The following GPR161 variants were observed in gnomAD, a reference collection of about 807,000 sequenced individuals.
The protein encoded by GPR161 is G protein-coupled receptor 161, also known as G-protein coupled receptor RE2.
GPR161 carries 25 observed loss-of-function variants against 39.2 expected under a neutral mutation model. The ratio of observed to expected loss-of-function variants is 0.64; its 90% CI spans 0.47 to 0.89. The LOEUF (loss-of-function observed/expected upper bound fraction) is 0.89, where lower values mean the gene tolerates loss of function less well. Ranked by LOEUF, GPR161 falls within the 40% of genes least tolerant of loss-of-function variation. The probability of loss-of-function intolerance (pLI) is 0.00; values close to 1 mark genes in which losing one functional copy is unlikely to be tolerated. For missense variants in GPR161, 547 were observed against 677.8 expected (o/e 0.81, Z 2.14); for synonymous variants, 286 against 276.6 (o/e 1.03, Z -0.34).
intron 1 of GPR161, among the ~76,000 whole-genome samples, chr1:168,129,640 C>T (rs61809581): frequency 0.13 from 19,064 of 152,242 alleles, 1,437 homozygotes; most frequent in South Asian, 0.24. Context: ...TCCTTAAAGA[C>T]GCCAACATTT....
chr1:168,087,446 C>T (rs1694633731), intron 5 of GPR161, 139 bp downstream of exon 5: 1 of 995,042 alleles, frequency 1.0e-6, no homozygotes, highest in African/African-American at 1.6e-5. Context: ...ACCAACAGGG[C>T]TGGGAGTAAC....
chr1:168,111,466 C>T (rs1176148213), intron 1 of GPR161, among the ~76,000 whole-genome samples: 1 of 152,134 alleles, frequency 6.6e-6, no homozygotes, highest in Non-Finnish European at 1.5e-5. Context: ...GCTTTGATCA[C>T]ACAAAGACAC....
At chr1:168,123,423 AC>A (rs915513735) in intron 1 of GPR161, among the ~76,000 whole-genome samples, 3 of 151,964 alleles carry the variant, frequency 2.0e-5, no homozygotes, top group African/African-American at 7.3e-5. Flanking sequence ...GTACCACTAC[AC>A]CCCAGCCTGG....
In GPR161 at chr1:168,081,847, GCCT is replaced by G. The variant is rs1694095837; in HGVS notation, c.*3681_*3683del. ...GAAGGCAGTCACATGCCAGCTCACTGCCTCCTCTTTATAGCCACATCATCCTCA... is the reference window on the plus strand; with the variant it reads ...GAAGGCAGTCACATGCCAGCTCACTGCCTCTTTATAGCCACATCATCCTCA... On this transcript the variant is annotated 3_prime_UTR_variant, in exon 6 of 6. Coordinates refer to ENST00000682931, the MANE Select transcript of GPR161 (RefSeq NM_001375883.1). 6.6e-6 allele frequency: 1 copy of G among 152,508 alleles called. No homozygotes were observed. The highest frequency in any genetic ancestry group is 1.5e-5 in the Non-Finnish European group (1 of 68,190). The allele number at this position is 152,508 out of a possible 1,614,324, so 9.4% of individuals were successfully genotyped here.
At chr1:168,126,608 C>T (rs1241235261) in intron 1 of GPR161, among the ~76,000 whole-genome samples, 1 of 152,138 alleles carries the variant, frequency 6.6e-6, no homozygotes, top group Non-Finnish European at 1.5e-5. Flanking sequence ...TGTGCCACCA[C>T]ACCTAGCTAA....
chr1:168,113,523 G>C (rs1009062632), intron 1 of GPR161, among the ~76,000 whole-genome samples: 8 of 152,144 alleles, frequency 5.3e-5, no homozygotes, highest in African/African-American at 1.9e-4. Flanking sequence ...ACGGCTTCAG[G>C]TCATTCAAAG....
intron 3 of GPR161, among the ~76,000 whole-genome samples, chr1:168,095,844 T>C (rs541866010): frequency 1.3e-3 from 200 of 152,202 alleles, no homozygotes; most frequent in Admixed American, 4.2e-3. Context: ...TAGTAAAGAA[T>C]ATACTCCAGG....
intron 1 of GPR161, among the ~76,000 whole-genome samples, chr1:168,123,537 T>TACAC (rs10534836): frequency 0.039 from 5,388 of 138,128 alleles, 135 homozygotes; most frequent in Non-Finnish European, 0.056. Flanking sequence ...TGCACATACA[T>TACAC]ACACACACAC....
rs1694686330 is a variant in GPR161 at position 168,087,785 on chromosome 1, C to T, written c.1205-81G>A. ...TCTTCTCCCCTCTCAACACCCCTTCCACCCCTCTTCTCCCGTTCATCCAAA... is the reference window on the plus strand; with the variant it reads ...TCTTCTCCCCTCTCAACACCCCTTCTACCCCTCTTCTCCCGTTCATCCAAA... On this transcript the variant is annotated intron_variant, in intron 4 of 5. Coordinates refer to ENST00000682931, the MANE Select transcript of GPR161 (RefSeq NM_001375883.1). 3 of 1,389,528 alleles carry T rather than the reference C, an allele frequency of 2.2e-6. No homozygotes were observed. The East Asian group carries it at 7.1e-5, about 33-fold the overall frequency. The allele number at this position is 1,389,528 out of a possible 1,614,324, so 86.1% of individuals were successfully genotyped here.
In GPR161 at chr1:168,122,661, C is replaced by T. The variant is rs561754561; in HGVS notation, c.-45+14078G>A. Among the ~76,000 whole-genome samples the T allele has an allele frequency of 3.3e-5, 5 of 152,294 alleles. No individual in the cohort carries two copies. In the South Asian group the frequency reaches 1.0e-3, roughly 32 times the overall value. ...CTAGCCTCCTCACTATTTCTGAAAC[C>T]CATCAAGCATGCTTCCAGCTCAGGG... On this transcript the variant is annotated intron_variant, in intron 1 of 5. Coordinates refer to ENST00000682931, the MANE Select transcript of GPR161 (RefSeq NM_001375883.1).
chr1:168,093,442 A>C (rs1468977015), intron 3 of GPR161, among the ~76,000 whole-genome samples: 1 of 152,234 alleles, frequency 6.6e-6, no homozygotes, highest in Non-Finnish European at 1.5e-5. Context: ...GAGACTCCTG[A>C]CATCCAAGTC....
chr1:168,119,277 T>TAC (rs1558130296), intron 1 of GPR161, among the ~76,000 whole-genome samples: 7 of 130,750 alleles, frequency 5.4e-5, no homozygotes, highest in African/African-American at 2.1e-4. Context: ...TGTGTATATA[T>TAC]ATATATATAT....
intron 2 of GPR161, among the ~76,000 whole-genome samples, chr1:168,102,859 AAAC>A (rs1696235940): frequency 6.6e-6 from 1 of 152,092 alleles, no homozygotes; most frequent in Non-Finnish European, 1.5e-5. Context: ...AAAAAAGTTA[AAAC>A]AACAAGATCC....
At chr1:168,133,024 C>T (rs181841289) in intron 1 of GPR161, among the ~76,000 whole-genome samples, 2 of 152,280 alleles carry the variant, frequency 1.3e-5, no homozygotes, top group Admixed American at 1.3e-4. Context: ...GGATTACAGG[C>T]GTGAGCCACT....
Position 168,084,585 on chromosome 1 carries a change from GC to G in GPR161, c.*945del, listed in dbSNP as rs1572225040. ...TAGTAACTGTTGCTCTTGGGAGTGT[GC>G]CATGCAGAACTGAGGCCAGCTATTT... On this transcript the variant is annotated 3_prime_UTR_variant, in exon 6 of 6. Coordinates refer to ENST00000682931, the MANE Select transcript of GPR161 (RefSeq NM_001375883.1). 2.8e-6 allele frequency: 1 copy of G among 357,868 alleles called. No homozygotes were observed. Among genetic ancestry groups the G allele is most frequent in the East Asian group, 7.4e-5 (1 of 13,570 alleles). The allele number at this position is 357,868 out of a possible 1,614,324, so 22.2% of individuals were successfully genotyped here.
chr1:168,090,441 C>A (rs1694941747), intron 4 of GPR161, 123 bp downstream of exon 4: 3 of 564,344 alleles, frequency 5.3e-6, no homozygotes, highest in African/African-American at 1.9e-5. Flanking sequence ...TTCTCACCCC[C>A]CACCCACCGT....
At chr1:168,097,308 C>G (rs1013959494) in intron 2 of GPR161, 76 bp from the exon 3 acceptor site, 2 of 1,456,890 alleles carry the variant, frequency 1.4e-6, no homozygotes, top group Non-Finnish European at 9.3e-7. Context: ...GCGTCAGGGG[C>G]TCCCATGACT....
chr1:168,109,647 T>C (rs1696932861), intron 1 of GPR161, among the ~76,000 whole-genome samples: 1 of 152,166 alleles, frequency 6.6e-6, no homozygotes, highest in Admixed American at 6.5e-5. Flanking sequence ...AATCAAACAT[T>C]AAGACATGCT....
chr1:168,096,268 C>G (rs143903187), intron 3 of GPR161, among the ~76,000 whole-genome samples: 1 of 151,820 alleles, frequency 6.6e-6, no homozygotes, highest in African/African-American at 2.4e-5. Context: ...TTTTGGGACA[C>G]ATACCAGGGC....
Sources: gnomAD v4.1 joint callset for allele counts (sites outside exome capture counted in the v4.1 genomes callset) on GRCh38, gnomAD v4.1.1 for gene constraint, MANE v1.5 for transcripts, NCBI Gene and HGNC (gene_info 2026-07-23, HGNC 2026-07-21) for gene names.